Variants in TMTC2 observed in about 807,000 individuals in gnomAD.
The protein encoded by TMTC2 is transmembrane O-mannosyltransferase targeting cadherins 2.
TMTC2 carries 43 observed loss-of-function variants against 82.4 expected under a neutral mutation model. That is an observed-to-expected ratio of 0.52 (90% confidence interval 0.41 to 0.67). The LOEUF (loss-of-function observed/expected upper bound fraction) is 0.67. TMTC2 is among the 30% of genes least tolerant of loss of function. The probability of loss-of-function intolerance (pLI) is 0.00; values close to 1 mark genes in which losing one functional copy is unlikely to be tolerated. For synonymous variants in TMTC2, 408 were observed against 381.9 expected (o/e 1.07, Z -0.80); for missense variants, 919 against 1,012.4 (o/e 0.91, Z 1.25).
intron 1 of TMTC2, among the ~76,000 whole-genome samples, chr12:82,765,714 CAAA>C (rs199754664): frequency 2.2e-5 from 3 of 137,780 alleles, no homozygotes; most frequent in South Asian, 4.3e-4. Context: ...AACAAACAAA[CAAA>C]AAAAAACAAA....
chr12:82,804,864 A>G (rs1375465698), intron 1 of TMTC2, among the ~76,000 whole-genome samples: 1 of 152,140 alleles, frequency 6.6e-6, no homozygotes, highest in Non-Finnish European at 1.5e-5. Context: ...CTACGTAAAC[A>G]CAGTGGATTG....
At chr12:82,876,156 A>ATTAGTAATG (rs1872560887) in intron 2 of TMTC2, among the ~76,000 whole-genome samples, 20 of 114,872 alleles carry the variant, frequency 1.7e-4, no homozygotes, top group African/African-American at 9.3e-4. Flanking sequence ...TGGTGGTGGT[A>ATTAGTAATG]GTGGTGGTAG....
At chr12:83,008,207 C>G (rs1326825832) in intron 8 of TMTC2, among the ~76,000 whole-genome samples, 1 of 152,094 alleles carries the variant, frequency 6.6e-6, no homozygotes, top group Non-Finnish European at 1.5e-5. Context: ...TTATTGGTGG[C>G]CTTTGAGTTT....
At chr12:82,784,874 G>A (rs1878097911) in intron 1 of TMTC2, among the ~76,000 whole-genome samples, 1 of 144,130 alleles carries the variant, frequency 6.9e-6, no homozygotes, top group African/African-American at 2.5e-5. Context: ...TTCCTTGCGT[G>A]TGTGTCTTTT....
chr12:82,817,536 C>T (rs1868819445), intron 1 of TMTC2, among the ~76,000 whole-genome samples: 1 of 151,892 alleles, frequency 6.6e-6, no homozygotes, highest in Admixed American at 6.5e-5. Context: ...TTGCCCTTGG[C>T]AAAGGAATAA....
rs558422217 is a variant in TMTC2, at chr12:82,905,837, C to T, written c.1483+9191C>T. Among the ~76,000 whole-genome samples, 432 of 151,426 alleles carry T rather than the reference C, an allele frequency of 2.9e-3. 1 individual carries two copies. The highest frequency in any genetic ancestry group is 4.8e-3 in the Non-Finnish European group (328 of 67,898). ...GCGGGCGCCTGTATTCCCAGCTACT[C>T]GGGAGGCTGAGGCAGGAGAATCGCT... On this transcript the variant is annotated intron_variant, in intron 3 of 11. Coordinates refer to ENST00000321196, the MANE Select transcript of TMTC2 (RefSeq NM_152588.3).
chr12:82,888,335 A>G (rs929854746), intron 2 of TMTC2, among the ~76,000 whole-genome samples: 1 of 152,224 alleles, frequency 6.6e-6, no homozygotes, highest in African/African-American at 2.4e-5. Context: ...TGTGCTTTTC[A>G]TGGAGAGAGG....
chr12:82,951,464 G>A (rs967527244), intron 4 of TMTC2, among the ~76,000 whole-genome samples: 9 of 152,072 alleles, frequency 5.9e-5, no homozygotes, highest in Non-Finnish European at 1.0e-4. Flanking sequence ...CTATTTTGTT[G>A]TTGTTGTTTT....
chr12:83,018,821 T>C (rs1049916238), intron 8 of TMTC2, among the ~76,000 whole-genome samples: 1 of 152,198 alleles, frequency 6.6e-6, no homozygotes, highest in African/African-American at 2.4e-5. Context: ...AGTACGCATT[T>C]AAGAAAAGTG....
chr12:82,764,034 G>C (rs1876801013), intron 1 of TMTC2, among the ~76,000 whole-genome samples: 1 of 152,116 alleles, frequency 6.6e-6, no homozygotes, highest in Non-Finnish European at 1.5e-5. Context: ...TTTATTCTCT[G>C]GTGCAATATT....
intron 3 of TMTC2, among the ~76,000 whole-genome samples, chr12:82,908,285 C>A (rs1273821834): frequency 6.6e-6 from 1 of 151,872 alleles, no homozygotes; most frequent in Non-Finnish European, 1.5e-5. Flanking sequence ...TCTTTGAGGA[C>A]CTTTCCCTAT....
intron 11 of TMTC2, among the ~76,000 whole-genome samples, chr12:83,098,291 C>A (rs1439161632): frequency 1.3e-5 from 2 of 152,218 alleles, no homozygotes; most frequent in South Asian, 2.1e-4. Flanking sequence ...TGCTAGTAAT[C>A]TATTACTTTC....
chr12:83,093,942 G>A (rs1328628269), intron 11 of TMTC2, among the ~76,000 whole-genome samples: 1 of 152,128 alleles, frequency 6.6e-6, no homozygotes, highest in Non-Finnish European at 1.5e-5. Flanking sequence ...GAACCATACT[G>A]AGGGCTAAAA....
chr12:83,040,630 A>G (rs573506814), intron 9 of TMTC2, among the ~76,000 whole-genome samples: 3 of 151,166 alleles, frequency 2.0e-5, no homozygotes, highest in South Asian at 4.2e-4. Flanking sequence ...CCCTGACCAC[A>G]GTGCTTCACC....
chr12:82,749,901 A>G (rs1875893432), intron 1 of TMTC2, among the ~76,000 whole-genome samples: 1 of 151,952 alleles, frequency 6.6e-6, no homozygotes, highest in South Asian at 2.1e-4. Context: ...CCACGCCCGC[A>G]TAATTTTTAC....
chr12:83,078,475 C>T (rs1333203476), intron 11 of TMTC2, among the ~76,000 whole-genome samples: 1 of 152,092 alleles, frequency 6.6e-6, no homozygotes, highest in African/African-American at 2.4e-5. Context: ...ACCGAGAAGA[C>T]TGACATCATC....
intron 4 of TMTC2, among the ~76,000 whole-genome samples, chr12:82,957,141 A>G (rs564605870): frequency 6.6e-6 from 1 of 152,212 alleles, no homozygotes; most frequent in East Asian, 1.9e-4. Context: ...CATAAAGCAA[A>G]TCTCACTAAA....
chr12:83,088,308 T>C (rs371550493), intron 11 of TMTC2, among the ~76,000 whole-genome samples: 1 of 152,336 alleles, frequency 6.6e-6, no homozygotes, highest in East Asian at 1.9e-4. Flanking sequence ...GACAATTACA[T>C]CTTTTTTTTG....
At chr12:82,794,348 T>A (rs759320322) in intron 1 of TMTC2, among the ~76,000 whole-genome samples, 8 of 152,100 alleles carry the variant, frequency 5.3e-5, no homozygotes, top group African/African-American at 9.7e-5. Flanking sequence ...CTTCCCCATC[T>A]ACCAACTCAC....
Sources: gnomAD v4.1 joint callset for allele counts (sites outside exome capture counted in the v4.1 genomes callset) on GRCh38, gnomAD v4.1.1 for gene constraint, MANE v1.5 for transcripts, NCBI Gene and HGNC (gene_info 2026-07-23, HGNC 2026-07-21) for gene names.